The following SNX29 variants were observed in gnomAD, a reference collection of about 807,000 sequenced individuals.
SNX29 encodes sorting nexin-29.
In SNX29, 78 loss-of-function variants were observed where a neutral mutation model predicts 102.1. That is an observed-to-expected ratio of 0.76 (90% CI 0.64 to 0.92). The LOEUF is 0.92. SNX29 is among the 40% of genes least tolerant of loss of function. The pLI is 0.00. For missense variants in SNX29, 1,280 were observed against 1,061.7 expected (o/e 1.21, Z -2.86); for synonymous variants, 580 against 414.5 (o/e 1.40, Z -4.85).
intron 19 of SNX29, among the ~76,000 whole-genome samples, chr16:12,493,631 G>T (rs529362023): frequency 6.6e-6 from 1 of 152,300 alleles, no homozygotes; most frequent in South Asian, 2.1e-4. Flanking sequence ...TCTCACTCTT[G>T]CCCAGGCTGG....
rs140005150 is a variant in SNX29, at chr16:12,407,510, A to G, written c.2037+3981A>G. Among the ~76,000 whole-genome samples, 454 of 152,354 alleles carry G rather than the reference A, an allele frequency of 3.0e-3. 2 individuals are homozygous for G. The highest frequency in any genetic ancestry group is 0.01 in the Middle Eastern group (3 of 294). On this transcript the variant is annotated intron_variant, in intron 18 of 20. Coordinates refer to ENST00000566228, the MANE Select transcript of SNX29 (RefSeq NM_032167.5). ...TCGTGAAAACAGTCCAAAGTTTAGC[A>G]TGATGCTCTATGAATGATTGATATT...
intron 1 of SNX29, among the ~76,000 whole-genome samples, chr16:11,998,490 G>C (rs2056169922): frequency 6.6e-6 from 1 of 152,210 alleles, no homozygotes; most frequent in Non-Finnish European, 1.5e-5. Flanking sequence ...TATTTTGTGA[G>C]AGTTAGCTTG....
chr16:12,488,180 C>T (rs3803618), intron 19 of SNX29, among the ~76,000 whole-genome samples: 1 of 151,972 alleles, frequency 6.6e-6, no homozygotes, highest in Non-Finnish European at 1.5e-5. Flanking sequence ...GAATCCAGAG[C>T]CAGCCACTGA....
chr16:12,571,911 C>G lies in SNX29; in HGVS notation c.*3282C>G. 9.4e-7 allele frequency: 1 copy of G among 1,061,796 alleles called. No homozygotes were observed. Among genetic ancestry groups the G allele is most frequent in the Non-Finnish European group, 1.1e-6 (1 of 877,020 alleles). The allele number at this position is 1,061,796 out of a possible 1,614,324, so 65.8% of individuals were successfully genotyped here. A position where few individuals can be genotyped will look rare whatever the true frequency, so the allele number is the denominator to read the frequency against. Reference sequence around the variant, plus strand: ...GTTCAAAGCCCCCTGCATTTCTCTACTGGCAGGCCCTGGTGAAGGAAGACA... The same window carrying G: ...GTTCAAAGCCCCCTGCATTTCTCTAGTGGCAGGCCCTGGTGAAGGAAGACA... On this transcript the variant is annotated 3_prime_UTR_variant, in exon 21 of 21. Coordinates refer to ENST00000566228, the MANE Select transcript of SNX29 (RefSeq NM_032167.5).
chr16:12,272,226 C>CTATATT (rs1283273650), intron 14 of SNX29, among the ~76,000 whole-genome samples: 3 of 152,158 alleles, frequency 2.0e-5, no homozygotes, highest in African/African-American at 7.2e-5. Flanking sequence ...CCTAGAGGGG[C>CTATATT]TGGTGCCTTG....
At chr16:12,376,496 G>C (rs1224244740) in intron 16 of SNX29, among the ~76,000 whole-genome samples, 1 of 152,080 alleles carries the variant, frequency 6.6e-6, no homozygotes, top group Admixed American at 6.5e-5. Flanking sequence ...AACACTTTGG[G>C]AGGCCGAGGC....
At chr16:12,541,614 ATC>A (rs1183264387) in intron 20 of SNX29, among the ~76,000 whole-genome samples, 5 of 152,070 alleles carry the variant, frequency 3.3e-5, no homozygotes, top group Admixed American at 2.6e-4. Flanking sequence ...TCTGGGCCAC[ATC>A]TCTGTCGGGG....
rs561829755 is a variant in SNX29 at position 12,121,604 on chromosome 16, C to T, written c.1403-5029C>T. 1.5e-4 allele frequency among the ~76,000 whole-genome samples: 23 copies of T among 152,286 alleles called. No individual in the cohort carries two copies. The South Asian group carries it at 3.5e-3, about 23-fold the overall frequency. On this transcript the variant is annotated intron_variant, in intron 11 of 20. Coordinates refer to ENST00000566228, the MANE Select transcript of SNX29 (RefSeq NM_032167.5). ...CCAACACCTGCCGCTTTGCCAGACT[C>T]GGCACTTTCTCTGTGGCTGAGTGGG...
chr16:12,308,704 C>T (rs2080431140), intron 15 of SNX29, among the ~76,000 whole-genome samples: 1 of 152,184 alleles, frequency 6.6e-6, no homozygotes, highest in African/African-American at 2.4e-5. Flanking sequence ...GCTATTTACA[C>T]ATAAATGGTA....
At chr16:11,986,670 C>A (rs1209151037) in intron 1 of SNX29, among the ~76,000 whole-genome samples, 1 of 152,202 alleles carries the variant, frequency 6.6e-6, no homozygotes, top group African/African-American at 2.4e-5. Flanking sequence ...TAACCTCTCT[C>A]CCATTGCAAA....
chr16:12,217,831 G>A (rs758454050), intron 14 of SNX29, among the ~76,000 whole-genome samples: 16 of 152,330 alleles, frequency 1.1e-4, no homozygotes, highest in Non-Finnish European at 1.6e-4. Flanking sequence ...GCATAACTCA[G>A]CCTCATCCTC....
At chr16:12,353,327 C>G (rs1423936120) in intron 15 of SNX29, among the ~76,000 whole-genome samples, 2 of 152,204 alleles carry the variant, frequency 1.3e-5, no homozygotes, top group African/African-American at 4.8e-5. Context: ...GCCACTTCCT[C>G]CATGTCTCCT....
intron 3 of SNX29, among the ~76,000 whole-genome samples, chr16:12,018,585 GAA>G (rs1332146892): frequency 1.5e-5 from 2 of 137,460 alleles, no homozygotes; most frequent in Admixed American, 7.3e-5. Context: ...TCTGTCTCAA[GAA>G]AAAAAAAAAA....
At chr16:12,530,085 G>C (rs911078922) in intron 20 of SNX29, among the ~76,000 whole-genome samples, 1 of 152,222 alleles carries the variant, frequency 6.6e-6, no homozygotes, top group African/African-American at 2.4e-5. Flanking sequence ...ACTCCCTCTT[G>C]CTTTTCCCCT....
chr16:12,531,139 G>A (rs182939397), intron 20 of SNX29, among the ~76,000 whole-genome samples: 31 of 152,318 alleles, frequency 2.0e-4, no homozygotes, highest in Admixed American at 3.3e-4. Flanking sequence ...AATTTGATAT[G>A]CAGGGTTTGA....
Position 12,392,440 on chromosome 16 carries a change from T to G in SNX29, c.1900-6006T>G, listed in dbSNP as rs542735392. The stretch of plus-strand genomic sequence containing the variant: ...TGCCCTTTGCCTCCCACCCTTTCCC[T>G]GCTCCAGCCATTCATCCATCCATCT... On this transcript the variant is annotated intron_variant, in intron 16 of 20. Transcript: ENST00000566228. Among the ~76,000 whole-genome samples the G allele has an allele frequency of 3.9e-5, 6 of 152,314 alleles. No individual in the cohort carries two copies. The East Asian group carries it at 1.2e-3, about 29-fold the overall frequency.
At chr16:12,383,825 A>AT (rs1381937834) in intron 16 of SNX29, among the ~76,000 whole-genome samples, 6 of 62,734 alleles carry the variant, frequency 9.6e-5, no homozygotes, top group Admixed American at 3.9e-4. Flanking sequence ...CATTCTTGCT[A>AT]TTTTTTGTAC....
intron 13 of SNX29, among the ~76,000 whole-genome samples, chr16:12,140,968 G>T (rs1305644801): frequency 6.6e-6 from 1 of 152,138 alleles, no homozygotes; most frequent in African/African-American, 2.4e-5. Context: ...ATATGAAAGA[G>T]AAATGAAAGG....
chr16:12,108,360 G>T (rs1596913347), intron 11 of SNX29, among the ~76,000 whole-genome samples: 1 of 152,202 alleles, frequency 6.6e-6, no homozygotes, highest in Admixed American at 6.5e-5. Flanking sequence ...CCATGATGGT[G>T]AGTGGCTTCC....
Sources: gnomAD v4.1 joint callset for allele counts (sites outside exome capture counted in the v4.1 genomes callset) on GRCh38, gnomAD v4.1.1 for gene constraint, MANE v1.5 for transcripts, NCBI Gene and HGNC (gene_info 2026-07-23, HGNC 2026-07-21) for gene names.